NET1: variants seen among roughly 807,000 people sequenced by gnomAD.
The protein encoded by NET1 is neuroepithelial cell transforming 1, also known as neuroepithelial cell-transforming gene 1 protein.
A neutral mutation model predicts 61.1 loss-of-function variants in NET1; 42 were observed. The observed-to-expected ratio is 0.69, with a 90% CI of 0.54 to 0.89. NET1 has a LOEUF of 0.89. Ranked by LOEUF, NET1 falls within the 40% of genes least tolerant of loss-of-function variation. The pLI is 0.00. For missense variants in NET1, 654 were observed against 747.3 expected (o/e 0.88, Z 1.46); for synonymous variants, 254 against 281.8 (o/e 0.90, Z 0.99).
Position 5,455,470 on chromosome 10 carries a change from A to G in NET1, c.1197+352A>G, listed in dbSNP as rs1199596769. 6.6e-6 allele frequency among the ~76,000 whole-genome samples: 1 copy of G among 152,250 alleles called. No individual in the cohort carries two copies. Among genetic ancestry groups the G allele is most frequent in the Non-Finnish European group, 1.5e-5 (1 of 68,036 alleles). On this transcript the variant is annotated intron_variant, in intron 10 of 11. Coordinates refer to ENST00000355029, the MANE Select transcript of NET1 (RefSeq NM_001047160.3). The surrounding 1 kb of genome is among the most constrained non-coding windows in gnomAD (Gnocchi z 6.5). The stretch of plus-strand genomic sequence containing the variant: ...GCTTATGAAAGTGGTTTTTCGCACT[A>G]CATAACAAATTTCTGAAGCAGATTG...
chr10:5,412,773 A>G lies in NET1; in HGVS notation c.81A>G (p.Gly27=). Reference sequence around the variant, plus strand: ...GGGCCTCTGGGCTCAGCACGGAGGGAGCGACGGGGCCTTCGGCCGACACCT... The same window carrying G: ...GGGCCTCTGGGCTCAGCACGGAGGGGGCGACGGGGCCTTCGGCCGACACCT... The part of the protein sequence containing the change: ...SRRASGLSTE[G]ATGPSADTSG... Residue 27 remains glycine (G), a synonymous_variant, in exon 1 of 12, where the codon GGA becomes GGG. Transcript: ENST00000355029. The surrounding 1 kb of genome is among the most constrained non-coding windows in gnomAD (Gnocchi z 6.5). 1 of 1,463,986 alleles carries G rather than the reference A, an allele frequency of 6.8e-7. No individual in the cohort carries two copies. 90.7% of individuals were successfully genotyped at this position (1,463,986 alleles called of 1,614,324 possible).
At chr10:5,430,932 C>T (rs1308158539) in intron 3 of NET1, among the ~76,000 whole-genome samples, 3 of 145,954 alleles carry the variant, frequency 2.1e-5, no homozygotes, top group Non-Finnish European at 4.5e-5. Context: ...AGTGCAGTGG[C>T]GCGATCTCTG....
rs1455052029 is a variant in NET1, at chr10:5,421,508, G to T, written c.129-5147G>T. Reference sequence around the variant, plus strand: ...TTGTACAGTGGATATCCAGTTAAAGGTATAGCCTTAAATCAATTCTTGACA... The same window carrying T: ...TTGTACAGTGGATATCCAGTTAAAGTTATAGCCTTAAATCAATTCTTGACA... On this transcript the variant is annotated intron_variant, in intron 1 of 11. Transcript: ENST00000355029. This position sits in a 1 kb window ranked among gnomAD's most constrained non-coding sequence, Gnocchi z 4.2. Among the ~76,000 whole-genome samples the T allele has an allele frequency of 6.6e-6, 1 of 152,126 alleles. No homozygotes were observed. The highest frequency in any genetic ancestry group is 2.4e-5 in the African/African-American group (1 of 41,412).
chr10:5,428,441 A>G (rs1316531259), intron 2 of NET1, among the ~76,000 whole-genome samples: 1 of 15,684 alleles, frequency 6.4e-5, no homozygotes, highest in East Asian at 7.8e-4. Flanking sequence ...GCCATGAGAA[A>G]AGGATTTTTT....
Position 5,451,460 on chromosome 10 carries a change from T to A in NET1, c.256-370T>A, listed in dbSNP as rs913233679. ...AGACACATGGGATCCATTATGCCAT[T>A]CTCCACTTTCATGTATGTTCGAAAA... On this transcript the variant is annotated intron_variant, in intron 3 of 11. Coordinates refer to ENST00000355029, the MANE Select transcript of NET1 (RefSeq NM_001047160.3). The surrounding 1 kb of genome is among the most constrained non-coding windows in gnomAD (Gnocchi z 6.1). Among the ~76,000 whole-genome samples the A allele has an allele frequency of 1.3e-5, 2 of 151,830 alleles. No individual in the cohort carries two copies. The highest frequency in any genetic ancestry group is 4.8e-5 in the African/African-American group (2 of 41,324).
chr10:5,443,434 A>T lies in NET1; in HGVS notation c.256-8396A>T, dbSNP rs2119199822. 6.6e-6 allele frequency among the ~76,000 whole-genome samples: 1 copy of T among 152,302 alleles called. No individual in the cohort carries two copies. Among genetic ancestry groups the T allele is most frequent in the East Asian group, 1.9e-4 (1 of 5,190 alleles). On this transcript the variant is annotated intron_variant, in intron 3 of 11. Coordinates refer to ENST00000355029, the MANE Select transcript of NET1 (RefSeq NM_001047160.3). The surrounding 1 kb of genome is among the most constrained non-coding windows in gnomAD (Gnocchi z 4.8). ...ATATAGAACTCTAGCACAAAGTAAG[A>T]CCTTAAATTTTTCTTCTATTTTTCA... is the stretch of plus-strand genomic sequence containing the variant.
In NET1 at chr10:5,456,857, A is replaced by G. The variant is rs1832810375; in HGVS notation, c.1654A>G (p.Asn552Asp). The change falls in exon 12 of 12, where the codon AAC becomes GAC. Residue 552 changes from asparagine to aspartate, a missense_variant. Asn to Asp is a conservative substitution (Grantham distance 23, BLOSUM62 1). Coordinates refer to ENST00000355029, the MANE Select transcript of NET1 (RefSeq NM_001047160.3). The surrounding 1 kb of genome is among the most constrained non-coding windows in gnomAD (Gnocchi z 7.0). ...TGTTACTCAGGTAGAAGTTGATGAA[A>G]ACGCTTACAGATGTGGCTCTGGCAT... ...SSVTQVEVDE[N>D]AYRCGSGMQM... The G allele has an allele frequency of 6.2e-7, 1 of 1,614,014 alleles. No homozygotes were observed.
At position 5,452,786 on chromosome 10, in the gene NET1, A is replaced by G. The variant is rs1832729534; in HGVS notation, c.532-72A>G. The G allele has an allele frequency of 7.7e-7, 1 of 1,306,714 alleles. No individual in the cohort carries two copies. The allele number at this position is 1,306,714 out of a possible 1,614,324, so 80.9% of individuals were successfully genotyped here. A position where few individuals can be genotyped will look rare whatever the true frequency, so the allele number is the denominator to read the frequency against. ...AAAATGCCGTTCAAAACATCAAATA[A>G]TGTAATTATCAGTTGTATATAATTT... On this transcript the variant is annotated intron_variant, in intron 5 of 11. Transcript: ENST00000355029. The surrounding 1 kb of genome is among the most constrained non-coding windows in gnomAD (Gnocchi z 4.0).
At chr10:5,436,225 C>CATATATATATATAT (rs1411296575) in intron 3 of NET1, among the ~76,000 whole-genome samples, 3 of 24,648 alleles carry the variant, frequency 1.2e-4, no homozygotes, top group African/African-American at 3.9e-4. Flanking sequence ...TGTGTGTGTG[C>CATATATATATATAT]ATATATATAT....
rs1454433944 is a variant in NET1 at position 5,420,509 on chromosome 10, T to C, written c.129-6146T>C. On this transcript the variant is annotated intron_variant, in intron 1 of 11. Transcript: ENST00000355029. This position sits in a 1 kb window ranked among gnomAD's most constrained non-coding sequence, Gnocchi z 5.3. Reference sequence around the variant, plus strand: ...GCAGCAGTTATGTTTTCTATGTAGATATTCCCTACAATATGACAGGCCTCT... The same window carrying C: ...GCAGCAGTTATGTTTTCTATGTAGACATTCCCTACAATATGACAGGCCTCT... 4.6e-5 allele frequency among the ~76,000 whole-genome samples: 7 copies of C among 152,232 alleles called. No individual in the cohort carries two copies. The highest frequency in any genetic ancestry group is 1.7e-4 in the African/African-American group (7 of 41,460).
rs552512254 is a variant in NET1 at position 5,451,303 on chromosome 10, T to G, written c.256-527T>G. ...CCATTCCAGTGTCAGACATGTTGAT[T>G]GAAAGGTTGTATTTTCTAACGGAAG... On this transcript the variant is annotated intron_variant, in intron 3 of 11. Transcript: ENST00000355029. This position sits in a 1 kb window ranked among gnomAD's most constrained non-coding sequence, Gnocchi z 6.1. 6.6e-6 allele frequency among the ~76,000 whole-genome samples: 1 copy of G among 152,292 alleles called. No homozygotes were observed. Among genetic ancestry groups the G allele is most frequent in the Admixed American group, 6.5e-5 (1 of 15,298 alleles).
Position 5,443,115 on chromosome 10 carries a change from C to T in NET1, c.256-8715C>T, listed in dbSNP as rs1403775563. ...TTAGGTCTACTGTTAACTTAGGTCA[C>T]TAACATATACTGAGCACCTAGTGTG... On this transcript the variant is annotated intron_variant, in intron 3 of 11. Coordinates refer to ENST00000355029, the MANE Select transcript of NET1 (RefSeq NM_001047160.3). This position sits in a 1 kb window ranked among gnomAD's most constrained non-coding sequence, Gnocchi z 4.8. Among the ~76,000 whole-genome samples the T allele has an allele frequency of 3.3e-5, 5 of 152,120 alleles. No individual in the cohort carries two copies. The highest frequency in any genetic ancestry group is 7.4e-5 in the Non-Finnish European group (5 of 68,020).
At chr10:5,450,312 C>T (rs979484452) in intron 3 of NET1, among the ~76,000 whole-genome samples, 1 of 152,146 alleles carries the variant, frequency 6.6e-6, no homozygotes, top group African/African-American at 2.4e-5. Flanking sequence ...CTTTCTGATA[C>T]ATATGTATAC....
At chr10:5,418,102 T>G (rs1489317477) in intron 1 of NET1, among the ~76,000 whole-genome samples, 1 of 152,184 alleles carries the variant, frequency 6.6e-6, no homozygotes, top group Admixed American at 6.5e-5. Flanking sequence ...AAGATATTGA[T>G]CTGTAGTTTT....
At position 5,454,953 on chromosome 10, in the gene NET1, G is replaced by T; in HGVS notation, c.1032G>T (p.Leu344Phe). 2 of 1,613,044 alleles carry T rather than the reference G, an allele frequency of 1.2e-6. No homozygotes were observed. Among genetic ancestry groups the T allele is most frequent in the Non-Finnish European group, 1.7e-6 (2 of 1,179,410 alleles). Residue 344 changes from leucine (L) to phenylalanine (F), a missense_variant, in exon 10 of 12, where the codon TTG becomes TTT. Physicochemically the swap from Leu to Phe is conservative, Grantham distance 22. Transcript: ENST00000355029. The surrounding 1 kb of genome is among the most constrained non-coding windows in gnomAD (Gnocchi z 8.1). The stretch of plus-strand genomic sequence containing the variant: ...ATTTTATTTATCATTTTCAGATATT[G>T]ATAATACAGGGAGTCCTCTCTGATA... ...PDVQLLEDAILIIQGVLSDIN... is the reference protein window; with the variant it reads ...PDVQLLEDAIFIIQGVLSDIN...
At chr10:5,419,224 C>T (rs750610390) in intron 1 of NET1, among the ~76,000 whole-genome samples, 7 of 152,026 alleles carry the variant, frequency 4.6e-5, no homozygotes, top group Non-Finnish European at 7.4e-5. Context: ...TTGCATGATA[C>T]GTGTTTATCC....
Position 5,416,378 on chromosome 10 carries a change from G to C in NET1, c.128+3558G>C, listed in dbSNP as rs1443805971. Among the ~76,000 whole-genome samples, 1 of 152,064 alleles carries C rather than the reference G, an allele frequency of 6.6e-6. No homozygotes were observed. The highest frequency in any genetic ancestry group is 1.5e-5 in the Non-Finnish European group (1 of 68,020). On this transcript the variant is annotated intron_variant, in intron 1 of 11. Coordinates refer to ENST00000355029, the MANE Select transcript of NET1 (RefSeq NM_001047160.3). The surrounding 1 kb of genome is among the most constrained non-coding windows in gnomAD (Gnocchi z 6.1). ...TTCCCAAGATTGTTGTGGCTATCCT[G>C]GGTCTCCTGCAATTCTATGTGAATT...
intron 3 of NET1, among the ~76,000 whole-genome samples, chr10:5,448,518 C>G (rs935400810): frequency 6.6e-6 from 1 of 152,100 alleles, no homozygotes; most frequent in African/African-American, 2.4e-5. Context: ...TAAAAATTAA[C>G]CTAAATTGAC....
At chr10:5,450,286 T>G (rs927564866) in intron 3 of NET1, among the ~76,000 whole-genome samples, 3 of 152,242 alleles carry the variant, frequency 2.0e-5, no homozygotes, top group Non-Finnish European at 2.9e-5. Flanking sequence ...CCAAGTTTCC[T>G]TAATAGTTCA....
Sources: gnomAD v4.1 joint callset for allele counts (sites outside exome capture counted in the v4.1 genomes callset) on GRCh38, gnomAD v4.1.1 for gene constraint, Gnocchi (gnomAD v3.1) non-coding constraint, MANE v1.5 for transcripts, NCBI Gene and HGNC (gene_info 2026-07-23, HGNC 2026-07-21) for gene names.